Variants in SPOCK3 observed in about 807,000 individuals in gnomAD.
The protein encoded by SPOCK3 is SPARC (osteonectin), cwcv and kazal like domains proteoglycan 3.
In SPOCK3, 30 loss-of-function variants were observed where a neutral mutation model predicts 56.6. The ratio of observed to expected loss-of-function variants is 0.53; its 90% CI spans 0.40 to 0.72. The LOEUF (loss-of-function observed/expected upper bound fraction) is 0.72. Among genes scored for constraint, SPOCK3 ranks in the 30% least tolerant of loss-of-function variants. SPOCK3 has a pLI of 0.00. For synonymous variants in SPOCK3, 196 were observed against 183.3 expected, an observed-to-expected ratio of 1.07 and a Z score of -0.56; for missense variants, 527 against 530.0, an observed-to-expected ratio of 0.99 and a Z score of 0.06.
rs568137955 is a variant in SPOCK3 at position 167,206,158 on chromosome 4, T to C, written c.189+27827A>G. ...AGCTAATGTGGTGAAATTCCATCTC[T>C]AGTAAAAATACAAAAATTAGCTGAG... On this transcript the variant is annotated intron_variant, in intron 2 of 10. Coordinates refer to ENST00000357545, the MANE Select transcript of SPOCK3 (RefSeq NM_001040159.2). 2.5e-4 allele frequency among the ~76,000 whole-genome samples: 38 copies of C among 152,050 alleles called. No homozygotes were observed. In the South Asian group the frequency reaches 7.5e-3, roughly 30 times the overall value.
At chr4:167,052,665 A>C (rs983506463) in intron 3 of SPOCK3, among the ~76,000 whole-genome samples, 6 of 152,186 alleles carry the variant, frequency 3.9e-5, no homozygotes, top group African/African-American at 1.4e-4. Flanking sequence ...TAAGCTCTTA[A>C]ACAAAGCAGC....
At chr4:166,827,428 A>T (rs1238029990) in intron 6 of SPOCK3, among the ~76,000 whole-genome samples, 3 of 152,082 alleles carry the variant, frequency 2.0e-5, no homozygotes, top group Admixed American at 2.0e-4. Flanking sequence ...AATGGCAGTC[A>T]TTACAATTGT....
chr4:166,872,363 G>A (rs189742823), intron 6 of SPOCK3, among the ~76,000 whole-genome samples: 85 of 152,194 alleles, frequency 5.6e-4, no homozygotes, highest in African/African-American at 1.9e-3. Context: ...AGCTAATTTA[G>A]CATCGTTGCA....
intron 6 of SPOCK3, among the ~76,000 whole-genome samples, chr4:166,876,447 A>T (rs1733095509): frequency 6.6e-6 from 1 of 152,192 alleles, no homozygotes; most frequent in Non-Finnish European, 1.5e-5. Flanking sequence ...GGCCTGGGGA[A>T]AACAATCAGC....
chr4:166,768,774 CAG>C (rs1738495759), intron 7 of SPOCK3, among the ~76,000 whole-genome samples: 1 of 152,310 alleles, frequency 6.6e-6, no homozygotes, highest in Non-Finnish European at 1.5e-5. Context: ...TAATATCCTG[CAG>C]AGTGTTTTCC....
At chr4:166,827,685 G>A (rs535878354) in intron 6 of SPOCK3, among the ~76,000 whole-genome samples, 3 of 152,056 alleles carry the variant, frequency 2.0e-5, no homozygotes, top group African/African-American at 7.2e-5. Context: ...TGGCCGGCTT[G>A]ACTTGGCTGT....
At chr4:166,895,166 GTTGT>G (rs1293291456) in intron 5 of SPOCK3, among the ~76,000 whole-genome samples, 6 of 151,598 alleles carry the variant, frequency 4.0e-5, no homozygotes, top group African/African-American at 1.2e-4. Context: ...ATAAAAATAG[GTTGT>G]TTAATTATTG....
At chr4:166,848,886 T>C (rs904405890) in intron 6 of SPOCK3, among the ~76,000 whole-genome samples, 11 of 152,196 alleles carry the variant, frequency 7.2e-5, no homozygotes, top group Non-Finnish European at 1.2e-4. Flanking sequence ...GATAATTTTG[T>C]TTACTACTTT....
chr4:167,067,812 C>T (rs1756306848), intron 2 of SPOCK3, among the ~76,000 whole-genome samples: 3 of 151,960 alleles, frequency 2.0e-5, no homozygotes, highest in South Asian at 4.1e-4. Context: ...AGGAGACAGG[C>T]TTTTACAATA....
At chr4:166,944,361 T>G (rs1370693148) in intron 4 of SPOCK3, among the ~76,000 whole-genome samples, 1 of 152,114 alleles carries the variant, frequency 6.6e-6, no homozygotes, top group Non-Finnish European at 1.5e-5. Context: ...ACCATATGAA[T>G]GAGGACATAA....
intron 4 of SPOCK3, among the ~76,000 whole-genome samples, chr4:166,948,097 T>C (rs1181260790): frequency 2.6e-5 from 4 of 152,210 alleles, no homozygotes; most frequent in Non-Finnish European, 5.9e-5. Context: ...AGTTCACATA[T>C]GAGTGAGAAC....
chr4:167,073,898 T>C (rs912862648), intron 2 of SPOCK3, among the ~76,000 whole-genome samples: 14 of 151,868 alleles, frequency 9.2e-5, no homozygotes, highest in South Asian at 2.1e-4. Context: ...ATTATCTCTT[T>C]AAAATTATAT....
intron 2 of SPOCK3, among the ~76,000 whole-genome samples, chr4:167,207,762 C>T (rs1395775407): frequency 6.6e-6 from 1 of 151,922 alleles, no homozygotes; most frequent in Non-Finnish European, 1.5e-5. Context: ...GGAGATATAC[C>T]TAATGCTAAA....
At chr4:166,988,763 T>C (rs1006482145) in intron 4 of SPOCK3, among the ~76,000 whole-genome samples, 2 of 152,084 alleles carry the variant, frequency 1.3e-5, no homozygotes, top group African/African-American at 4.8e-5. Context: ...CTGAGTTGCA[T>C]TGTCTTAATC....
rs968644547 is a variant in SPOCK3, at chr4:167,017,953, A to T, written c.236-17490T>A. 2.6e-5 allele frequency among the ~76,000 whole-genome samples: 4 copies of T among 152,242 alleles called. No homozygotes were observed. The East Asian group carries it at 7.8e-4, about 30-fold the overall frequency. On this transcript the variant is annotated intron_variant, in intron 3 of 10. Transcript: ENST00000357545. ...GTTATCTAATTGTTAAATTAGAGTA[A>T]GTAACAAGTCGTATTGTACATTTTT...
chr4:166,786,762 T>C (rs1740772998), intron 7 of SPOCK3, among the ~76,000 whole-genome samples: 2 of 152,212 alleles, frequency 1.3e-5, no homozygotes, highest in African/African-American at 2.4e-5. Flanking sequence ...TGCTCAACAA[T>C]GTTTGGCAAA....
intron 2 of SPOCK3, among the ~76,000 whole-genome samples, chr4:167,122,799 G>A (rs965525783): frequency 6.6e-6 from 1 of 151,850 alleles, no homozygotes; most frequent in African/African-American, 2.4e-5. Flanking sequence ...ATAAATTTTC[G>A]ATATTTTCAC....
At chr4:167,176,733 G>A (rs1347870837) in intron 2 of SPOCK3, among the ~76,000 whole-genome samples, 1 of 152,018 alleles carries the variant, frequency 6.6e-6, no homozygotes, top group Non-Finnish European at 1.5e-5. Context: ...AACTGGACAG[G>A]GTAGAAATAA....
intron 4 of SPOCK3, among the ~76,000 whole-genome samples, chr4:166,932,870 T>C (rs1430833557): frequency 6.6e-6 from 1 of 152,138 alleles, no homozygotes; most frequent in East Asian, 1.9e-4. Context: ...AACTATCTAA[T>C]TGATAGGGGA....
Sources: gnomAD v4.1 joint callset for allele counts (sites outside exome capture counted in the v4.1 genomes callset) on GRCh38, gnomAD v4.1.1 for gene constraint, MANE v1.5 for transcripts, NCBI Gene and HGNC (gene_info 2026-07-23, HGNC 2026-07-21) for gene names.